The following C4orf36 variants were observed in gnomAD, a reference collection of about 807,000 sequenced individuals.
C4orf36 encodes the protein chromosome 4 open reading frame 36.
In C4orf36, 11 loss-of-function variants were observed where a neutral mutation model predicts 12.2. The ratio of observed to expected loss-of-function variants is 0.90; its 90% CI spans 0.57 to 1.49. The LOEUF (loss-of-function observed/expected upper bound fraction) is 1.49, where lower values mean the gene tolerates loss of function less well. C4orf36 is among the 40% of genes most tolerant of loss of function. C4orf36 has a pLI of 0.00. For synonymous variants in C4orf36, 54 were observed against 51.3 expected (o/e 1.05, Z -0.22); for missense variants, 137 against 133.9 (o/e 1.02, Z -0.11).
At chr4:86,885,091 G>C (rs1282398806) in intron 4 of C4orf36, among the ~76,000 whole-genome samples, 1 of 152,114 alleles carries the variant, frequency 6.6e-6, no homozygotes, top group Non-Finnish European at 1.5e-5. Context: ...TGCTGTTTTG[G>C]TTACTGTAGC....
chr4:86,931,484 G>A, the C4orf36 span, among the ~76,000 whole-genome samples: 2 of 151,852 alleles, frequency 1.3e-5, no homozygotes, highest in African/African-American at 4.8e-5. Flanking sequence ...ACGCATCCTC[G>A]ACCTCCAGGG....
At chr4:86,891,323 AGACACCTC>A in intron 2 of C4orf36, 125 bp downstream of exon 2, 1 of 635,406 alleles carries the variant, frequency 1.6e-6, no homozygotes, top group Non-Finnish European at 2.5e-6. Flanking sequence ...ATCAGATCCC[AGACACCTC>A]AAAATACTTC....
At chr4:86,916,737 C>T in the C4orf36 span, among the ~76,000 whole-genome samples, 1 of 152,240 alleles carries the variant, frequency 6.6e-6, no homozygotes, top group Non-Finnish European at 1.5e-5. Context: ...TCCACAGACT[C>T]ATAGAATACC....
At chr4:86,910,824 G>A in the C4orf36 span, among the ~76,000 whole-genome samples, 3 of 152,136 alleles carry the variant, frequency 2.0e-5, no homozygotes, top group East Asian at 1.9e-4. Flanking sequence ...CCAGCACTTC[G>A]GGAGGCCGAG....
chr4:86,917,500 GAA>G, the C4orf36 span, among the ~76,000 whole-genome samples: 3 of 147,168 alleles, frequency 2.0e-5, no homozygotes, highest in African/African-American at 7.5e-5. Context: ...GGGAGAGAAA[GAA>G]AGAGAAAAAG....
At chr4:86,929,999 T>C in the C4orf36 span, among the ~76,000 whole-genome samples, 9 of 152,124 alleles carry the variant, frequency 5.9e-5, no homozygotes, top group Non-Finnish European at 7.4e-5. Flanking sequence ...CCAATGAGGG[T>C]GATAGTCTGG....
chr4:86,876,610 G>A, intron 4 of C4orf36, 167 bp from the exon 5 acceptor site: 1 of 1,613,912 alleles, frequency 6.2e-7, no homozygotes, highest in Non-Finnish European at 8.5e-7. Flanking sequence ...AGAACAGACA[G>A]TTCTTCAATG....
intron 2 of C4orf36, chr4:86,890,066 C>A (rs1255453271): frequency 2.2e-6 from 1 of 454,638 alleles, no homozygotes; most frequent in South Asian, 1.6e-5. Context: ...GTGGTGTGTG[C>A]CTGTGGTCCC....
At chr4:86,910,091 G>A in the C4orf36 span, among the ~76,000 whole-genome samples, 1 of 152,056 alleles carries the variant, frequency 6.6e-6, no homozygotes, top group Non-Finnish European at 1.5e-5. Flanking sequence ...TTTCATTTCT[G>A]CTTCTCTCTG....
the C4orf36 span, among the ~76,000 whole-genome samples, chr4:86,905,218 C>T: frequency 8.1e-6 from 1 of 123,240 alleles, no homozygotes; most frequent in Non-Finnish European, 1.8e-5. Context: ...ACTAAAAATA[C>T]AAAAAAAAAA....
chr4:86,899,573 A>G, the C4orf36 span, among the ~76,000 whole-genome samples: 2,605 of 152,304 alleles, frequency 0.017, 30 homozygotes, highest in South Asian at 0.045. Flanking sequence ...CTGTGATCCC[A>G]GCACTTTCAA....
At chr4:86,927,628 T>C in the C4orf36 span, among the ~76,000 whole-genome samples, 33 of 152,014 alleles carry the variant, frequency 2.2e-4, no homozygotes, top group African/African-American at 8.0e-4. Flanking sequence ...GGTGAAACCC[T>C]GTCTCTACTA....
chr4:86,879,374 G>A (rs1351360540), intron 4 of C4orf36, among the ~76,000 whole-genome samples: 1 of 152,130 alleles, frequency 6.6e-6, no homozygotes, highest in Non-Finnish European at 1.5e-5. Flanking sequence ...TTAAAATCTG[G>A]AGCTGAAGAA....
chr4:86,899,806 G>A, the C4orf36 span, among the ~76,000 whole-genome samples: 84 of 152,264 alleles, frequency 5.5e-4, no homozygotes, highest in African/African-American at 1.9e-3. Context: ...AGTCCAGCAT[G>A]GGAAATAGAG....
chr4:86,919,119 G>GGAGAGAGAGAGAGAGAGAGAGAGA, the C4orf36 span, among the ~76,000 whole-genome samples: 4 of 145,352 alleles, frequency 2.8e-5, no homozygotes, highest in African/African-American at 1.0e-4. Context: ...CCCAGCTCCA[G>GGAGAGAGAGAGAGAGAGAGAGAGA]GAGAGAGAGA....
intron 1 of C4orf36, 45 bp from the exon 2 acceptor site, chr4:86,891,638 AT>A: frequency 6.6e-7 from 1 of 1,503,842 alleles, no homozygotes; most frequent in Non-Finnish European, 8.9e-7. Context: ...TCACGTGAAT[AT>A]TTTGTAGCCA....
chr4:86,883,269 G>A (rs1031334399), intron 4 of C4orf36, among the ~76,000 whole-genome samples: 1 of 152,176 alleles, frequency 6.6e-6, no homozygotes, highest in Non-Finnish European at 1.5e-5. Flanking sequence ...CAGGGATTAT[G>A]ATTTTTAAAG....
At chr4:86,895,078 G>C (rs1023316588), upstream of C4orf36, among the ~76,000 whole-genome samples, 3 of 152,164 alleles carry the variant, frequency 2.0e-5, no homozygotes, top group Non-Finnish European at 4.4e-5. Flanking sequence ...ACGGCAGGCT[G>C]AGACAGGAGG....
chr4:86,925,231 T>A, the C4orf36 span: 1 of 152,110 alleles, frequency 6.6e-6, no homozygotes, highest in Non-Finnish European at 1.5e-5. Flanking sequence ...GTCAGTCTCA[T>A]ATATATATGA....
Sources: allele counts gnomAD v4.1 joint callset (sites outside exome capture counted in the v4.1 genomes callset), GRCh38; gene constraint gnomAD v4.1.1; transcripts MANE v1.5; gene names NCBI Gene and HGNC (gene_info 2026-07-23, HGNC 2026-07-21).